The following GALNTL6 variants were observed in gnomAD, a reference collection of about 807,000 sequenced individuals.
The protein encoded by GALNTL6 is polypeptide N-acetylgalactosaminyltransferase-like 6.
Under a neutral mutation model 73.7 loss-of-function variants are expected in GALNTL6, and 46 were observed. The ratio of observed to expected loss-of-function variants is 0.62; its 90% CI spans 0.49 to 0.80. The LOEUF (loss-of-function observed/expected upper bound fraction) is 0.80. Among genes scored for constraint, GALNTL6 ranks in the 30% least tolerant of loss-of-function variants. The pLI is 0.00. For synonymous variants in GALNTL6, 259 were observed against 263.7 expected (o/e 0.98, Z 0.17); for missense variants, 604 against 755.0 (o/e 0.80, Z 2.34).
chr4:172,114,945 C>T (rs1417131614), intron 2 of GALNTL6, among the ~76,000 whole-genome samples: 1 of 152,020 alleles, frequency 6.6e-6, no homozygotes, highest in African/African-American at 2.4e-5. Context: ...CACTCCCAAA[C>T]ATCCCCTCCC....
chr4:172,971,070 C>A (rs888348606), intron 10 of GALNTL6, among the ~76,000 whole-genome samples: 5 of 152,182 alleles, frequency 3.3e-5, no homozygotes, highest in African/African-American at 1.2e-4. Flanking sequence ...GGGTCCCTGA[C>A]TTCCTGCAAC....
intron 5 of GALNTL6, among the ~76,000 whole-genome samples, chr4:172,405,439 ATATATTTTTTTTTTTT>A (rs1421866871): frequency 4.7e-4 from 1 of 2,138 alleles, no homozygotes; most frequent in Non-Finnish European, 9.4e-4. Flanking sequence ...ATATATATAT[ATATATTTTTTTTTTTT>A]TTTTTTTTTT....
intron 5 of GALNTL6, among the ~76,000 whole-genome samples, chr4:172,437,288 A>C (rs1731669592): frequency 6.6e-6 from 1 of 152,168 alleles, no homozygotes; most frequent in African/African-American, 2.4e-5. Context: ...AGAAAGTTCA[A>C]GGTGAATTCT....
intron 2 of GALNTL6, among the ~76,000 whole-genome samples, chr4:172,167,082 A>G (rs897682134): frequency 2.0e-5 from 3 of 152,262 alleles, no homozygotes; most frequent in African/African-American, 7.2e-5. Flanking sequence ...TCTTCAAAGG[A>G]TTACATAAGT....
At chr4:172,880,984 T>C (rs1400128545) in intron 7 of GALNTL6, among the ~76,000 whole-genome samples, 1 of 152,194 alleles carries the variant, frequency 6.6e-6, no homozygotes, top group African/African-American at 2.4e-5. Context: ...CTATGGTGGT[T>C]CTAGTTTTGA....
chr4:171,850,969 A>C (rs1227320474), intron 2 of GALNTL6, among the ~76,000 whole-genome samples: 1 of 152,180 alleles, frequency 6.6e-6, no homozygotes, highest in African/African-American at 2.4e-5. Context: ...AATGCAATTC[A>C]AGGGAATATT....
chr4:172,662,332 G>T (rs1461468782), intron 5 of GALNTL6, among the ~76,000 whole-genome samples: 1 of 152,184 alleles, frequency 6.6e-6, no homozygotes, highest in Non-Finnish European at 1.5e-5. Flanking sequence ...CATCTTGAAG[G>T]ACTGCCCTTC....
At chr4:171,905,959 C>T (rs1240564701) in intron 2 of GALNTL6, among the ~76,000 whole-genome samples, 1 of 150,092 alleles carries the variant, frequency 6.7e-6, no homozygotes, top group Non-Finnish European at 1.5e-5. Flanking sequence ...AACAAAGACA[C>T]AACATACCAG....
At chr4:172,831,948 A>G (rs1742662482) in intron 7 of GALNTL6, among the ~76,000 whole-genome samples, 2 of 152,196 alleles carry the variant, frequency 1.3e-5, no homozygotes, top group South Asian at 4.1e-4. Context: ...CAGCCTCCAG[A>G]ACTGTCAGAA....
At chr4:172,671,043 G>A (rs977398414) in intron 5 of GALNTL6, among the ~76,000 whole-genome samples, 1 of 152,098 alleles carries the variant, frequency 6.6e-6, no homozygotes, top group Non-Finnish European at 1.5e-5. Flanking sequence ...TGTGGTTTTG[G>A]TTACTGCAAC....
chr4:172,915,922 A>G (rs545206557), intron 8 of GALNTL6, among the ~76,000 whole-genome samples: 1 of 152,322 alleles, frequency 6.6e-6, no homozygotes, highest in East Asian at 1.9e-4. Flanking sequence ...CTGATACCAA[A>G]GACTGGCAGA....
At chr4:172,093,533 T>C (rs923790949) in intron 2 of GALNTL6, among the ~76,000 whole-genome samples, 4 of 152,218 alleles carry the variant, frequency 2.6e-5, no homozygotes, top group South Asian at 2.1e-4. Context: ...ACTGGTACCA[T>C]GGCCTGTTAG....
chr4:172,174,117 G>C (rs1360402866), intron 2 of GALNTL6, among the ~76,000 whole-genome samples: 2 of 152,172 alleles, frequency 1.3e-5, no homozygotes, highest in African/African-American at 4.8e-5. Context: ...TGACACTTGA[G>C]ATCAGCTAAG....
At chr4:172,262,898 A>G (rs893427991) in intron 3 of GALNTL6, among the ~76,000 whole-genome samples, 1 of 151,596 alleles carries the variant, frequency 6.6e-6, no homozygotes, top group African/African-American at 2.4e-5. Context: ...GCTAGATACA[A>G]AATTCTTGGC....
intron 2 of GALNTL6, among the ~76,000 whole-genome samples, chr4:171,968,637 A>G (rs1446691608): frequency 6.6e-6 from 1 of 152,006 alleles, no homozygotes; most frequent in African/African-American, 2.4e-5. Context: ...ACACTATTCG[A>G]CCCACCACAG....
chr4:172,562,608 A>T (rs1307964843), intron 5 of GALNTL6, among the ~76,000 whole-genome samples: 2 of 152,072 alleles, frequency 1.3e-5, no homozygotes, highest in African/African-American at 2.4e-5. Flanking sequence ...TGCTAAATTC[A>T]CTCAAACCCT....
At chr4:172,155,933 A>G (rs1355285101) in intron 2 of GALNTL6, among the ~76,000 whole-genome samples, 4 of 152,150 alleles carry the variant, frequency 2.6e-5, no homozygotes, top group Non-Finnish European at 1.5e-5. Flanking sequence ...ATGTGATCAT[A>G]TAAGTTTACC....
At chr4:173,008,450 G>C (rs1198649256) in intron 10 of GALNTL6, among the ~76,000 whole-genome samples, 1 of 152,212 alleles carries the variant, frequency 6.6e-6, no homozygotes, top group East Asian at 1.9e-4. Context: ...ATGTTCTTTA[G>C]CATGTCGAGT....
chr4:171,898,813 T>G (rs1736999631), intron 2 of GALNTL6, among the ~76,000 whole-genome samples: 1 of 152,036 alleles, frequency 6.6e-6, no homozygotes, highest in Middle Eastern at 3.2e-3. Context: ...AATGTACAAC[T>G]GCCAAAATGC....
Sources: allele counts gnomAD v4.1 joint callset (sites outside exome capture counted in the v4.1 genomes callset), GRCh38; gene constraint gnomAD v4.1.1; transcripts MANE v1.5; gene names NCBI Gene and HGNC (gene_info 2026-07-23, HGNC 2026-07-21).